The following ATXN7L3B variants were observed in gnomAD, a reference collection of about 807,000 sequenced individuals.
ATXN7L3B encodes ataxin-7-like protein 3B.
Under a neutral mutation model 6.3 loss-of-function variants are expected in ATXN7L3B, and 4 were observed. The observed-to-expected ratio is 0.63, with a 90% CI of 0.31 to 1.45. The LOEUF is 1.45. ATXN7L3B is among the 40% of genes most tolerant of loss of function. The pLI is 0.07. For synonymous variants in ATXN7L3B, 63 were observed against 48.0 expected (o/e 1.31, Z -1.29); for missense variants, 120 against 118.5 (o/e 1.01, Z -0.06).
chr12:74,538,631 G>A lies in ATXN7L3B; in HGVS notation c.*225G>A. ...AGCCCTGGGCAGGAGGAGCTGCACA[G>A]CCTGCGGGCCATGCAGTGCCTGTTG... is the stretch of plus-strand genomic sequence containing the variant. On this transcript the variant is annotated 3_prime_UTR_variant, in exon 1 of 1. Coordinates refer to ENST00000519948, the MANE Select transcript of ATXN7L3B (RefSeq NM_001136262.2). 1 of 566,792 alleles carries A rather than the reference G, an allele frequency of 1.8e-6. No homozygotes were observed. Among genetic ancestry groups the A allele is most frequent in the Non-Finnish European group, 3.2e-6 (1 of 310,430 alleles). The allele number at this position is 566,792 out of a possible 1,614,324, so 35.1% of individuals were successfully genotyped here.
rs1246170563 is a variant in ATXN7L3B, at chr12:74,539,677, T to C, written c.*1271T>C. 6.0e-6 allele frequency: 1 copy of C among 167,080 alleles called. No individual in the cohort carries two copies. The highest frequency in any genetic ancestry group is 1.5e-5 in the Non-Finnish European group (1 of 68,138). The allele number at this position is 167,080 out of a possible 1,614,324, so 10.3% of individuals were successfully genotyped here. ...TGGATCTTCTTGACAACAGGAGCAG[T>C]CCTTTTATTGTTAGAAGTCAGAGAA... On this transcript the variant is annotated 3_prime_UTR_variant, in exon 1 of 1. Transcript: ENST00000519948.
rs986504721 is a variant in ATXN7L3B, at chr12:74,540,789, A to C, written c.*2383A>C. The C allele has an allele frequency of 1.8e-5, 3 of 167,044 alleles. No homozygotes were observed. Among genetic ancestry groups the C allele is most frequent in the Non-Finnish European group, 4.4e-5 (3 of 68,116 alleles). 10.3% of individuals were successfully genotyped at this position (167,044 alleles called of 1,614,324 possible). A position where few individuals can be genotyped will look rare whatever the true frequency, so the allele number is the denominator to read the frequency against. On this transcript the variant is annotated 3_prime_UTR_variant, in exon 1 of 1. Transcript: ENST00000519948. ...TTCAGATAGGGAACTCAAATCCTGAAATTACTGTTTTCTTTCTGGCCTTTT... is the reference window on the plus strand; with the variant it reads ...TTCAGATAGGGAACTCAAATCCTGACATTACTGTTTTCTTTCTGGCCTTTT...
Position 74,538,504 on chromosome 12 carries a change from C to G in ATXN7L3B, c.*98C>G, listed in dbSNP as rs373171800. The G allele has an allele frequency of 9.4e-6, 11 of 1,164,396 alleles. No individual in the cohort carries two copies. In the East Asian group the frequency reaches 2.8e-4, roughly 30 times the overall value. The allele number at this position is 1,164,396 out of a possible 1,614,324, so 72.1% of individuals were successfully genotyped here. A position where few individuals can be genotyped will look rare whatever the true frequency, so the allele number is the denominator to read the frequency against. On this transcript the variant is annotated 3_prime_UTR_variant, in exon 1 of 1. Transcript: ENST00000519948. The stretch of plus-strand genomic sequence containing the variant: ...AGTAGAAAAAAGTAGAAAAATCAGA[C>G]AAAAGTTTTAATTCCCCCTTGAAGA...
chr12:74,540,175 A>AT lies in ATXN7L3B; in HGVS notation c.*1775dup, dbSNP rs1173681242. 6.0e-6 allele frequency: 1 copy of AT among 166,458 alleles called. No homozygotes were observed. The highest frequency in any genetic ancestry group is 2.4e-5 in the African/African-American group (1 of 41,292). The allele number at this position is 166,458 out of a possible 1,614,324, so 10.3% of individuals were successfully genotyped here. ...GAGATTGGAATTGGAAGAGAACTTA[A>AT]TTTTTTGTATTTAAAATGCAGTGTC... is the stretch of plus-strand genomic sequence containing the variant. On this transcript the variant is annotated 3_prime_UTR_variant, in exon 1 of 1. Transcript: ENST00000519948.
rs1592597225 is a variant in ATXN7L3B at position 74,544,038 on chromosome 12, T to C, written c.*5632T>C. On this transcript the variant is annotated 3_prime_UTR_variant, in exon 1 of 1. Coordinates refer to ENST00000519948, the MANE Select transcript of ATXN7L3B (RefSeq NM_001136262.2). Reference sequence around the variant, plus strand: ...TGACATCTACATCTACATGGATAATTTTATAGAATCTACAAACATACCATT... The same window carrying C: ...TGACATCTACATCTACATGGATAATCTTATAGAATCTACAAACATACCATT... The C allele has an allele frequency of 6.6e-6, 1 of 152,046 alleles. No homozygotes were observed. The highest frequency in any genetic ancestry group is 1.9e-4 in the East Asian group (1 of 5,200). The allele number at this position is 152,046 out of a possible 1,614,324, so 9.4% of individuals were successfully genotyped here.
chr12:74,540,195 A>C lies in ATXN7L3B; in HGVS notation c.*1789A>C. 1 of 167,022 alleles carries C rather than the reference A, an allele frequency of 6.0e-6. No individual in the cohort carries two copies. 10.3% of individuals were successfully genotyped at this position (167,022 alleles called of 1,614,324 possible). On this transcript the variant is annotated 3_prime_UTR_variant, in exon 1 of 1. Coordinates refer to ENST00000519948, the MANE Select transcript of ATXN7L3B (RefSeq NM_001136262.2). ...ACTTAATTTTTTGTATTTAAAATGC[A>C]GTGTCATGCCTATAAGCATTTCTCC...
rs1252091766 is a variant in ATXN7L3B, at chr12:74,542,639, C to T, written c.*4233C>T. The T allele has an allele frequency of 6.6e-6, 1 of 151,528 alleles. No individual in the cohort carries two copies. Among genetic ancestry groups the T allele is most frequent in the African/African-American group, 2.4e-5 (1 of 41,264 alleles). The allele number at this position is 151,528 out of a possible 1,614,324, so 9.4% of individuals were successfully genotyped here. ...TCCTAGATTTAGCATTTAACTACAG[C>T]ATGTACCATCAGGTCAAGAATCTGA... On this transcript the variant is annotated 3_prime_UTR_variant, in exon 1 of 1. Coordinates refer to ENST00000519948, the MANE Select transcript of ATXN7L3B (RefSeq NM_001136262.2).
rs907811368 is a variant in ATXN7L3B, at chr12:74,542,399, C to T, written c.*3993C>T. 1.3e-5 allele frequency: 2 copies of T among 152,116 alleles called. No homozygotes were observed. Among genetic ancestry groups the T allele is most frequent in the African/African-American group, 4.8e-5 (2 of 41,414 alleles). The allele number at this position is 152,116 out of a possible 1,614,324, so 9.4% of individuals were successfully genotyped here. A position where few individuals can be genotyped will look rare whatever the true frequency, so the allele number is the denominator to read the frequency against. On this transcript the variant is annotated 3_prime_UTR_variant, in exon 1 of 1. Transcript: ENST00000519948. ...ATCAATTAGCTTTCAAATACATCTG[C>T]AGCAAATACTTTTGGTTCCTGTTTT... is the stretch of plus-strand genomic sequence containing the variant.
rs1868762663 is a variant in ATXN7L3B, at chr12:74,537,971, C to T, written c.-142C>T. 2.9e-6 allele frequency: 2 copies of T among 680,084 alleles called. No individual in the cohort carries two copies. Among genetic ancestry groups the T allele is most frequent in the Non-Finnish European group, 5.0e-6 (2 of 403,082 alleles). 42.1% of individuals were successfully genotyped at this position (680,084 alleles called of 1,614,324 possible). On this transcript the variant is annotated 5_prime_UTR_variant, in exon 1 of 1. Transcript: ENST00000519948. The stretch of plus-strand genomic sequence containing the variant: ...GGAGCAGTCGCCCCTATCGCTGCTC[C>T]TGCAGTTGCGGACGCCACCGACCCC...
chr12:74,540,648 G>A lies in ATXN7L3B; in HGVS notation c.*2242G>A, dbSNP rs1023374829. The A allele has an allele frequency of 6.0e-6, 1 of 166,990 alleles. No homozygotes were observed. The highest frequency in any genetic ancestry group is 1.5e-5 in the Non-Finnish European group (1 of 68,118). 10.3% of individuals were successfully genotyped at this position (166,990 alleles called of 1,614,324 possible). On this transcript the variant is annotated 3_prime_UTR_variant, in exon 1 of 1. Transcript: ENST00000519948. Reference sequence around the variant, plus strand: ...ATATCTTTGCCCTTGACTTGTAGACGACATCTAAGAGGATGAAGAAAGGAG... The same window carrying A: ...ATATCTTTGCCCTTGACTTGTAGACAACATCTAAGAGGATGAAGAAAGGAG...
rs1333713407 is a variant in ATXN7L3B, at chr12:74,544,297, A to G, written c.*5891A>G. On this transcript the variant is annotated 3_prime_UTR_variant, in exon 1 of 1. Transcript: ENST00000519948. Reference sequence around the variant, plus strand: ...GAAGATGTTCACGCACAGAAAATGCAATCAATATCATTGCTCCAAATTATG... The same window carrying G: ...GAAGATGTTCACGCACAGAAAATGCGATCAATATCATTGCTCCAAATTATG... 1.3e-5 allele frequency: 1 copy of G among 77,808 alleles called. No homozygotes were observed. Among genetic ancestry groups the G allele is most frequent in the East Asian group, 3.7e-4 (1 of 2,726 alleles). 4.8% of individuals were successfully genotyped at this position (77,808 alleles called of 1,614,324 possible). A position where few individuals can be genotyped will look rare whatever the true frequency, so the allele number is the denominator to read the frequency against.
At position 74,538,148 on chromosome 12, in the gene ATXN7L3B, C is replaced by G. The variant is rs780471674; in HGVS notation, c.36C>G (p.Asn12Lys). Residue 12 changes from asparagine to lysine, a missense_variant, in exon 1 of 1, where the codon AAC becomes AAG. Asn to Lys is a moderately conservative substitution (Grantham distance 94). Coordinates refer to ENST00000519948, the MANE Select transcript of ATXN7L3B (RefSeq NM_001136262.2). Reference protein sequence around the residue: ...EEISLANLDTNKLEAIAQEIY... With the variant: ...EEISLANLDTKKLEAIAQEIY... ...TTTCGTTGGCCAACCTGGATACTAA[C>G]AAGCTAGAGGCCATCGCTCAGGAGA... is the stretch of plus-strand genomic sequence containing the variant. 1.1e-5 allele frequency: 18 copies of G among 1,573,230 alleles called. No homozygotes were observed. The highest frequency in any genetic ancestry group is 1.5e-5 in the Non-Finnish European group (17 of 1,159,412).
rs181130751 is a variant in ATXN7L3B, at chr12:74,540,595, C to G, written c.*2189C>G. 3.6e-5 allele frequency: 6 copies of G among 167,106 alleles called. No homozygotes were observed. The highest frequency in any genetic ancestry group is 6.5e-5 in the Admixed American group (1 of 15,294). The allele number at this position is 167,106 out of a possible 1,614,324, so 10.4% of individuals were successfully genotyped here. On this transcript the variant is annotated 3_prime_UTR_variant, in exon 1 of 1. Transcript: ENST00000519948. ...TTGCATTAACTTAAAAAAAATCAAA[C>G]CTTGGCAAGAGCTAAAATAATTTGG...
chr12:74,541,842 C>T lies in ATXN7L3B; in HGVS notation c.*3436C>T, dbSNP rs1197302780. The T allele has an allele frequency of 6.6e-6, 1 of 152,162 alleles. No individual in the cohort carries two copies. The highest frequency in any genetic ancestry group is 1.5e-5 in the Non-Finnish European group (1 of 68,026). The allele number at this position is 152,162 out of a possible 1,614,324, so 9.4% of individuals were successfully genotyped here. ...TCTCAAAAGGTAAAGTGATTCACAGCAGACGATGGTTCTGCCTAATTTTTT... is the reference window on the plus strand; with the variant it reads ...TCTCAAAAGGTAAAGTGATTCACAGTAGACGATGGTTCTGCCTAATTTTTT... On this transcript the variant is annotated 3_prime_UTR_variant, in exon 1 of 1. Coordinates refer to ENST00000519948, the MANE Select transcript of ATXN7L3B (RefSeq NM_001136262.2).
In ATXN7L3B at chr12:74,538,087, C is replaced by G. The variant is rs570274148; in HGVS notation, c.-26C>G. The G allele has an allele frequency of 1.3e-6, 2 of 1,545,484 alleles. No individual in the cohort carries two copies. The highest frequency in any genetic ancestry group is 2.7e-5 in the African/African-American group (2 of 72,890). On this transcript the variant is annotated 5_prime_UTR_variant, in exon 1 of 1. Coordinates refer to ENST00000519948, the MANE Select transcript of ATXN7L3B (RefSeq NM_001136262.2). ...TGCTGCCGTGAGTAAAACGAGCGCC[C>G]TCTCCGCACTCGTTTACAAATTAAA...
At position 74,541,253 on chromosome 12, in the gene ATXN7L3B, G is replaced by A. The variant is rs1017625668; in HGVS notation, c.*2847G>A. On this transcript the variant is annotated 3_prime_UTR_variant, in exon 1 of 1. Transcript: ENST00000519948. The stretch of plus-strand genomic sequence containing the variant: ...ATCGCATGCCCAGGGACCACTGCCT[G>A]GCATTATCGCATGCTGGGATCATCG... The A allele has an allele frequency of 1.2e-5, 2 of 166,920 alleles. No homozygotes were observed. The highest frequency in any genetic ancestry group is 2.9e-5 in the Non-Finnish European group (2 of 68,124). 10.3% of individuals were successfully genotyped at this position (166,920 alleles called of 1,614,324 possible). A position where few individuals can be genotyped will look rare whatever the true frequency, so the allele number is the denominator to read the frequency against.
chr12:74,537,993 C>A lies in ATXN7L3B; in HGVS notation c.-120C>A, dbSNP rs1187000868. The stretch of plus-strand genomic sequence containing the variant: ...CTCCTGCAGTTGCGGACGCCACCGA[C>A]CCCGCCGCCGGAGGACTGGGCACTG... On this transcript the variant is annotated 5_prime_UTR_variant, in exon 1 of 1. Coordinates refer to ENST00000519948, the MANE Select transcript of ATXN7L3B (RefSeq NM_001136262.2). The A allele has an allele frequency of 6.5e-6, 6 of 926,130 alleles. No homozygotes were observed. The highest frequency in any genetic ancestry group is 9.6e-6 in the Non-Finnish European group (6 of 623,132). 57.4% of individuals were successfully genotyped at this position (926,130 alleles called of 1,614,324 possible).
rs575667882 is a variant in ATXN7L3B at position 74,541,733 on chromosome 12, A to G, written c.*3327A>G. On this transcript the variant is annotated 3_prime_UTR_variant, in exon 1 of 1. Transcript: ENST00000519948. ...AATCCAGTCCTGTCACTAAAAGCCC[A>G]CTGTGACAGATAGTTCCATTTGAAT... The G allele has an allele frequency of 6.6e-6, 1 of 152,324 alleles. No individual in the cohort carries two copies. The highest frequency in any genetic ancestry group is 1.9e-4 in the East Asian group (1 of 5,180). 9.4% of individuals were successfully genotyped at this position (152,324 alleles called of 1,614,324 possible).
Position 74,538,520 on chromosome 12 carries a change from C to T in ATXN7L3B, c.*114C>T. The T allele has an allele frequency of 1.0e-6, 1 of 981,112 alleles. No homozygotes were observed. The highest frequency in any genetic ancestry group is 1.5e-6 in the Non-Finnish European group (1 of 671,522). 60.8% of individuals were successfully genotyped at this position (981,112 alleles called of 1,614,324 possible). On this transcript the variant is annotated 3_prime_UTR_variant, in exon 1 of 1. Transcript: ENST00000519948. ...AAAATCAGACAAAAGTTTTAATTCC[C>T]CCTTGAAGATCCTAGCATTTAAAAA...
Sources: gnomAD v4.1 joint callset for allele counts on GRCh38, gnomAD v4.1.1 for gene constraint, MANE v1.5 for transcripts, NCBI Gene and HGNC (gene_info 2026-07-23, HGNC 2026-07-21) for gene names.